Variants in CDYL observed in about 807,000 individuals in gnomAD.
CDYL encodes the protein chromodomain Y like, also known as chromodomain Y-like protein.
A neutral mutation model predicts 47.3 loss-of-function variants in CDYL; 8 were observed. That is an observed-to-expected ratio of 0.17 (90% CI 0.10 to 0.31). The LOEUF (loss-of-function observed/expected upper bound fraction) is 0.31. Ranked by LOEUF, CDYL falls within the 10% of genes least tolerant of loss-of-function variation. CDYL has a pLI of 1.00. For synonymous variants in CDYL, 266 were observed against 265.0 expected (o/e 1.00, Z -0.04); for missense variants, 471 against 701.4 (o/e 0.67, Z 3.71).
intron 1 of CDYL, among the ~76,000 whole-genome samples, chr6:4,850,515 A>T (rs908031346): frequency 1.3e-5 from 2 of 152,164 alleles, no homozygotes; most frequent in African/African-American, 2.4e-5. Context: ...AATTTTGTTT[A>T]TTCTATAAGT....
At chr6:4,832,482 A>G (rs1760175374) in intron 1 of CDYL, among the ~76,000 whole-genome samples, 1 of 150,668 alleles carries the variant, frequency 6.6e-6, no homozygotes, top group South Asian at 2.1e-4. Flanking sequence ...TTTTGCCAGT[A>G]TTTTATTGAG....
chr6:4,939,949 G>T (rs192337220), intron 4 of CDYL, among the ~76,000 whole-genome samples: 6 of 152,238 alleles, frequency 3.9e-5, no homozygotes, highest in African/African-American at 1.2e-4. Flanking sequence ...TTCCCGTGTA[G>T]GCTTTTCCCT....
At chr6:4,821,740 GAA>G (rs61074922) in intron 1 of CDYL, among the ~76,000 whole-genome samples, 1 of 142,824 alleles carries the variant, frequency 7.0e-6, no homozygotes, top group Admixed American at 6.9e-5. Flanking sequence ...TATCTCGGGG[GAA>G]AAAAAAAAAG....
intron 1 of CDYL, among the ~76,000 whole-genome samples, chr6:4,809,673 G>A (rs1759470291): frequency 6.6e-6 from 1 of 151,088 alleles, no homozygotes. Context: ...AGTCCTTGGC[G>A]ATATTTTGTA....
chr6:4,811,292 AT>A (rs1284451889), intron 1 of CDYL, among the ~76,000 whole-genome samples: 3 of 152,220 alleles, frequency 2.0e-5, no homozygotes, highest in Non-Finnish European at 2.9e-5. Flanking sequence ...GCAGTTGTTT[AT>A]TTTTAATAAG....
chr6:4,754,182 A>G (rs1020519081), intron 3 of CDYL, among the ~76,000 whole-genome samples: 1 of 152,136 alleles, frequency 6.6e-6, no homozygotes, highest in African/African-American at 2.4e-5. Context: ...ATTTCAGTTG[A>G]ATTGAGTCTC....
chr6:4,758,968 C>CTTTTT (rs753662724), intron 3 of CDYL, among the ~76,000 whole-genome samples: 2 of 131,916 alleles, frequency 1.5e-5, no homozygotes, highest in Admixed American at 7.5e-5. Flanking sequence ...TTTTCTTTTT[C>CTTTTT]TTTTTTTTTT....
chr6:4,823,908 C>G (rs991679368), intron 1 of CDYL, among the ~76,000 whole-genome samples: 1 of 152,214 alleles, frequency 6.6e-6, no homozygotes, highest in Non-Finnish European at 1.5e-5. Context: ...CCCCCAGTCC[C>G]TGGAAATCTC....
At chr6:4,905,492 T>C (rs1757207668) in intron 2 of CDYL, among the ~76,000 whole-genome samples, 1 of 152,154 alleles carries the variant, frequency 6.6e-6, no homozygotes, top group Non-Finnish European at 1.5e-5. Context: ...GTGGCATGCT[T>C]AATTCCGCAG....
chr6:4,769,540 T>C (rs1483233644), intron 3 of CDYL, among the ~76,000 whole-genome samples: 1 of 152,226 alleles, frequency 6.6e-6, no homozygotes, highest in Non-Finnish European at 1.5e-5. Context: ...AAATGCTAAA[T>C]GTAAAGCAAT....
intron 5 of CDYL, among the ~76,000 whole-genome samples, chr6:4,948,583 A>G (rs1233478775): frequency 6.6e-6 from 1 of 152,192 alleles, no homozygotes; most frequent in Non-Finnish European, 1.5e-5. Context: ...TGGTTGTCAC[A>G]CATGAGGAGA....
In CDYL at chr6:4,739,520, CA is replaced by C. The variant is rs34838574; in HGVS notation, c.186+4692del. 4.4e-3 allele frequency among the ~76,000 whole-genome samples: 354 copies of C among 80,292 alleles called. 1 individual carries two copies. The highest frequency in any genetic ancestry group is 0.033 in the South Asian group (70 of 2,140). 52.7% of individuals were successfully genotyped at this position (80,292 alleles called of 152,430 possible). On this transcript the variant is annotated intron_variant, in intron 3 of 8. Transcript: ENST00000328908. ...GGGTGACAAGAGTAAAACTCTGACT[CA>C]AAAAAAAAAAAAAAAGTTGAGTAAA...
At chr6:4,922,340 T>G (rs538764990) in intron 2 of CDYL, among the ~76,000 whole-genome samples, 16 of 152,340 alleles carry the variant, frequency 1.1e-4, no homozygotes, top group Admixed American at 9.8e-4. Flanking sequence ...TTGCTTTTGG[T>G]GAAGAATAAA....
rs183398423 is a variant in CDYL, at chr6:4,812,381, G to A, written c.24+35574G>A. 5.9e-5 allele frequency among the ~76,000 whole-genome samples: 9 copies of A among 152,258 alleles called. No individual in the cohort carries two copies. The East Asian group carries it at 1.2e-3, about 20-fold the overall frequency. ...GTTTTTTTGGGATGTCCGGTGTAGC[G>A]GTGAACTCACTCTAGGGCACGTCTT... On this transcript the variant is annotated intron_variant, in intron 1 of 6. Transcript: ENST00000397588.
At chr6:4,718,289 GT>G (rs1757307515) in intron 2 of CDYL, among the ~76,000 whole-genome samples, 2 of 151,786 alleles carry the variant, frequency 1.3e-5, no homozygotes, top group South Asian at 4.2e-4. Context: ...GTTTTTTTCT[GT>G]TTTTCGTTTG....
intron 1 of CDYL, among the ~76,000 whole-genome samples, chr6:4,817,994 C>A (rs983477638): frequency 3.7e-4 from 57 of 152,274 alleles, no homozygotes; most frequent in African/African-American, 4.3e-4. Context: ...CAGTGGCTCA[C>A]GCCTGTAATC....
At chr6:4,946,942 G>A (rs1336000192) in intron 5 of CDYL, among the ~76,000 whole-genome samples, 1 of 152,128 alleles carries the variant, frequency 6.6e-6, no homozygotes, top group Non-Finnish European at 1.5e-5. Flanking sequence ...GCTTCCAGTA[G>A]CCATCCCAGC....
At chr6:4,837,824 A>C (rs2127457318) in intron 1 of CDYL, among the ~76,000 whole-genome samples, 1 of 152,114 alleles carries the variant, frequency 6.6e-6, no homozygotes, top group African/African-American at 2.4e-5. Flanking sequence ...CCCAGGCTGG[A>C]GTGCAGTGGC....
At chr6:4,776,882 CCCCGCTCGCCG>C in intron 1 of CDYL, 75 bp downstream of exon 1, 1 of 670,470 alleles carries the variant, frequency 1.5e-6, no homozygotes, top group Non-Finnish European at 1.8e-6. Context: ...CGCCCGACGG[CCCCGCTCGCCG>C]CCCGCGCCCG....
Sources: gnomAD v4.1 joint callset for allele counts (sites outside exome capture counted in the v4.1 genomes callset) on GRCh38, gnomAD v4.1.1 for gene constraint, MANE v1.5 for transcripts, NCBI Gene and HGNC (gene_info 2026-07-23, HGNC 2026-07-21) for gene names.